ELP4: variants seen among roughly 807,000 people sequenced by gnomAD.
The protein encoded by ELP4 is elongator acetyltransferase complex subunit 4, also known as elongator complex protein 4.
In ELP4, 51 loss-of-function variants were observed where a neutral mutation model predicts 48.9. The observed-to-expected ratio is 1.04, with a 90% CI of 0.83 to 1.32. ELP4 has a LOEUF of 1.32. Among genes scored for constraint, ELP4 ranks in the 40% most tolerant of loss-of-function variants. The pLI is 0.00. For missense variants in ELP4, 519 were observed against 514.6 expected (o/e 1.01, Z -0.08); for synonymous variants, 210 against 189.2 (o/e 1.11, Z -0.90).
intron 9 of ELP4, among the ~76,000 whole-genome samples, chr11:31,778,546 C>T (rs564618912): frequency 7.8e-4 from 119 of 152,170 alleles, no homozygotes; most frequent in Non-Finnish European, 1.4e-3. Flanking sequence ...ATTTTTGAAG[C>T]AAGAAGAGAT....
chr11:31,569,372 A>T (rs1957160208), intron 3 of ELP4, among the ~76,000 whole-genome samples: 1 of 152,344 alleles, frequency 6.6e-6, no homozygotes, highest in Admixed American at 6.5e-5. Context: ...TAATACCCAG[A>T]TCCTATAAGA....
intron 9 of ELP4, chr11:31,715,091 G>C: frequency 3.2e-6 from 1 of 313,170 alleles, no homozygotes; most frequent in Non-Finnish European, 5.8e-6. Flanking sequence ...GAACCACTTC[G>C]TTGGCTCAGA....
chr11:31,575,814 C>T (rs969879543), intron 3 of ELP4, among the ~76,000 whole-genome samples: 3 of 152,134 alleles, frequency 2.0e-5, no homozygotes, highest in East Asian at 1.9e-4. Flanking sequence ...AAGGAACAAC[C>T]GGTACTAGCC....
chr11:31,519,521 T>C (rs1052208937), intron 1 of ELP4, among the ~76,000 whole-genome samples: 7 of 152,142 alleles, frequency 4.6e-5, no homozygotes, highest in African/African-American at 1.7e-4. Flanking sequence ...CAGTATATTA[T>C]GGTAGTAATT....
At chr11:31,642,664 G>A (rs909636087) in intron 7 of ELP4, among the ~76,000 whole-genome samples, 7 of 151,720 alleles carry the variant, frequency 4.6e-5, no homozygotes, top group Non-Finnish European at 7.4e-5. Flanking sequence ...AATTAACCAT[G>A]ACTTGAAGTT....
At chr11:31,530,074 G>T (rs982923700) in intron 2 of ELP4, among the ~76,000 whole-genome samples, 1 of 152,170 alleles carries the variant, frequency 6.6e-6, no homozygotes, top group African/African-American at 2.4e-5. Flanking sequence ...AGACTTGTAG[G>T]AAGAGGTATC....
At chr11:31,778,732 T>C (rs1455445192) in intron 9 of ELP4, among the ~76,000 whole-genome samples, 2 of 152,222 alleles carry the variant, frequency 1.3e-5, no homozygotes, top group East Asian at 3.8e-4. Flanking sequence ...GAGGCAGGTA[T>C]CAAACTGTCA....
intron 5 of ELP4, among the ~76,000 whole-genome samples, chr11:31,623,367 A>ATT (rs1944663577): frequency 4.0e-5 from 4 of 99,926 alleles, no homozygotes; most frequent in African/African-American, 8.3e-5. Context: ...ATATATATAT[A>ATT]TATATATATA....
intron 9 of ELP4, among the ~76,000 whole-genome samples, chr11:31,781,560 A>ACGATCT (rs1383596557): frequency 8.1e-6 from 1 of 123,526 alleles, no homozygotes; most frequent in African/African-American, 3.2e-5. Flanking sequence ...GTGCTGTGGC[A>ACGATCT]CGATCTCGGT....
intron 2 of ELP4, among the ~76,000 whole-genome samples, chr11:31,530,567 C>T (rs1279006892): frequency 1.3e-5 from 2 of 151,746 alleles, no homozygotes; most frequent in African/African-American, 4.8e-5. Flanking sequence ...TGTTGGAGAG[C>T]AGTCTTGGTG....
At chr11:31,692,761 C>G (rs1371989772) in intron 9 of ELP4, among the ~76,000 whole-genome samples, 2 of 152,158 alleles carry the variant, frequency 1.3e-5, no homozygotes, top group African/African-American at 2.4e-5. Context: ...GTAACACCCT[C>G]TCCACCTCCT....
chr11:31,694,363 T>G (rs1419461389), intron 9 of ELP4, among the ~76,000 whole-genome samples: 3 of 152,206 alleles, frequency 2.0e-5, no homozygotes, highest in African/African-American at 7.2e-5. Context: ...AGGGGTCCAG[T>G]TTCAGCTTTC....
At chr11:31,649,180 C>T (rs537759398) in intron 8 of ELP4, 30 of 151,688 alleles carry the variant, frequency 2.0e-4, no homozygotes, top group African/African-American at 7.0e-4. Context: ...CTAATAGATG[C>T]ATTATTAAGC....
chr11:31,628,265 C>G (rs930283745), intron 6 of ELP4: 1 of 151,974 alleles, frequency 6.6e-6, no homozygotes. Flanking sequence ...TAAATTGGTC[C>G]CTGACAGACA....
intron 7 of ELP4, among the ~76,000 whole-genome samples, chr11:31,638,234 T>C (rs1259875683): frequency 6.6e-6 from 1 of 151,884 alleles, no homozygotes; most frequent in Non-Finnish European, 1.5e-5. Context: ...GATCATAGAA[T>C]ATGTCAGTAT....
At chr11:31,522,634 G>A (rs73461181) in intron 2 of ELP4, among the ~76,000 whole-genome samples, 2,010 of 152,142 alleles carry the variant, frequency 0.013, 44 homozygotes, top group African/African-American at 0.044. Flanking sequence ...GCACACATAT[G>A]TAAATATTCT....
intron 3 of ELP4, among the ~76,000 whole-genome samples, chr11:31,550,669 G>A (rs951740995): frequency 1.3e-5 from 2 of 152,104 alleles, no homozygotes; most frequent in African/African-American, 2.4e-5. Flanking sequence ...ATTTTCCATC[G>A]AAACTCTTGC....
intron 2 of ELP4, among the ~76,000 whole-genome samples, chr11:31,524,094 C>T (rs1269332613): frequency 6.6e-6 from 1 of 152,016 alleles, no homozygotes; most frequent in African/African-American, 2.4e-5. Flanking sequence ...ATAAATGATA[C>T]ACTTTTGGAT....
chr11:31,668,675 CGTGTGTGTGTGTGTGTGTGT>C (rs367795416), intron 9 of ELP4, among the ~76,000 whole-genome samples: 4 of 121,040 alleles, frequency 3.3e-5, no homozygotes, highest in African/African-American at 9.3e-5. Context: ...CCTTTGGTAC[CGTGTGTGTGTGTGTGTGTGT>C]GTGTGTGTGT....
Sources: gnomAD v4.1 joint callset for allele counts (sites outside exome capture counted in the v4.1 genomes callset) on GRCh38, gnomAD v4.1.1 for gene constraint, MANE v1.5 for transcripts, NCBI Gene and HGNC (gene_info 2026-07-23, HGNC 2026-07-21) for gene names.